The following MACROD2 variants were observed in gnomAD, a reference collection of about 807,000 sequenced individuals.
MACROD2 encodes the protein ADP-ribose glycohydrolase MACROD2.
MACROD2 carries 36 observed loss-of-function variants against 70.4 expected under a neutral mutation model. That is an observed-to-expected ratio of 0.51 (90% CI 0.39 to 0.68). MACROD2 has a LOEUF of 0.68. Ranked by LOEUF, MACROD2 falls within the 30% of genes least tolerant of loss-of-function variation. The pLI is 0.00. For synonymous variants in MACROD2, 172 were observed against 178.8 expected, an observed-to-expected ratio of 0.96 and a Z score of 0.30; for missense variants, 496 against 538.4, an observed-to-expected ratio of 0.92 and a Z score of 0.78.
chr20:14,221,851 C>G (rs2081677901), intron 3 of MACROD2, among the ~76,000 whole-genome samples: 1 of 152,090 alleles, frequency 6.6e-6, no homozygotes, highest in Non-Finnish European at 1.5e-5. Context: ...AGCAGACATA[C>G]AAATGGACAA....
At chr20:14,375,041 T>C (rs2083359226) in intron 3 of MACROD2, among the ~76,000 whole-genome samples, 1 of 152,142 alleles carries the variant, frequency 6.6e-6, no homozygotes, top group South Asian at 2.1e-4. Context: ...AGATCATGGG[T>C]TGTATATTCA....
intron 8 of MACROD2, among the ~76,000 whole-genome samples, chr20:15,828,985 C>T (rs935007305): frequency 3.9e-5 from 6 of 152,062 alleles, no homozygotes; most frequent in Non-Finnish European, 5.9e-5. Flanking sequence ...TGGTGTTTCA[C>T]CTGCCTGTTA....
At chr20:14,864,435 T>C (rs1363670133) in intron 5 of MACROD2, among the ~76,000 whole-genome samples, 1 of 152,150 alleles carries the variant, frequency 6.6e-6, no homozygotes, top group Admixed American at 6.6e-5. Context: ...TTTTTTATAC[T>C]GTAAAACTTT....
intron 5 of MACROD2, among the ~76,000 whole-genome samples, chr20:14,747,403 G>T (rs2071813372): frequency 6.6e-6 from 1 of 152,156 alleles, no homozygotes. Context: ...TTGTCAGGAT[G>T]TAGTGAGGTC....
At chr20:15,316,380 A>C (rs2077811052) in intron 6 of MACROD2, among the ~76,000 whole-genome samples, 1 of 152,098 alleles carries the variant, frequency 6.6e-6, no homozygotes, top group African/African-American at 2.4e-5. Flanking sequence ...AGTAACCAAA[A>C]GAAAGCCAGG....
intron 4 of MACROD2, among the ~76,000 whole-genome samples, chr20:14,613,754 A>T (rs1983309273): frequency 6.6e-6 from 1 of 152,110 alleles, no homozygotes; most frequent in Non-Finnish European, 1.5e-5. Flanking sequence ...TAGGAGTTTT[A>T]AAAAAGAACA....
At chr20:14,719,747 TTGG>T (rs1221133046) in intron 5 of MACROD2, among the ~76,000 whole-genome samples, 2 of 152,164 alleles carry the variant, frequency 1.3e-5, no homozygotes, top group Non-Finnish European at 2.9e-5. Context: ...TGTATTTCAG[TTGG>T]AAATTGTAGT....
At chr20:16,031,088 A>G (rs2067145351) in intron 15 of MACROD2, among the ~76,000 whole-genome samples, 1 of 152,144 alleles carries the variant, frequency 6.6e-6, no homozygotes, top group Admixed American at 6.5e-5. Context: ...AAAAGATGAC[A>G]ATCCAGGAGA....
intron 7 of MACROD2, among the ~76,000 whole-genome samples, chr20:15,483,284 C>T (rs1478298592): frequency 5.3e-5 from 8 of 152,046 alleles, no homozygotes; most frequent in African/African-American, 1.9e-4. Flanking sequence ...TGTGATTGTC[C>T]AGTTGTTCCA....
chr20:14,568,737 G>C (rs1362833822), intron 4 of MACROD2, among the ~76,000 whole-genome samples: 1 of 151,940 alleles, frequency 6.6e-6, no homozygotes, highest in Non-Finnish European at 1.5e-5. Flanking sequence ...TTTTGGCATA[G>C]GGGCAAGGAA....
intron 3 of MACROD2, among the ~76,000 whole-genome samples, chr20:14,256,618 A>G (rs1029958309): frequency 1.3e-5 from 2 of 152,122 alleles, no homozygotes; most frequent in Non-Finnish European, 2.9e-5. Context: ...GCTTGCCTTC[A>G]TTTCTTGAGA....
intron 3 of MACROD2, among the ~76,000 whole-genome samples, chr20:14,458,408 C>T (rs2084328840): frequency 6.6e-6 from 1 of 152,064 alleles, no homozygotes; most frequent in South Asian, 2.1e-4. Flanking sequence ...TTTTGAATTA[C>T]ATTGAGGCCC....
At chr20:15,836,995 C>G (rs551742218) in intron 8 of MACROD2, among the ~76,000 whole-genome samples, 1 of 152,254 alleles carries the variant, frequency 6.6e-6, no homozygotes, top group South Asian at 2.1e-4. Flanking sequence ...AGGGACTTAG[C>G]TGGAGTTCAA....
chr20:14,466,976 G>T (rs1380122390), intron 3 of MACROD2, among the ~76,000 whole-genome samples: 1 of 152,154 alleles, frequency 6.6e-6, no homozygotes, highest in African/African-American at 2.4e-5. Context: ...GGCTACTCAG[G>T]GGTTGGGGAC....
intron 4 of MACROD2, among the ~76,000 whole-genome samples, chr20:14,632,483 G>A (rs1397987565): frequency 6.6e-6 from 1 of 152,100 alleles, no homozygotes; most frequent in Non-Finnish European, 1.5e-5. Context: ...ATGTTATTCT[G>A]TTTTCTTAAG....
intron 5 of MACROD2, among the ~76,000 whole-genome samples, chr20:15,072,525 T>C (rs1349181742): frequency 6.6e-6 from 1 of 152,198 alleles, no homozygotes; most frequent in African/African-American, 2.4e-5. Flanking sequence ...GTTTAGTATC[T>C]TGGGCTTCTT....
chr20:14,281,430 G>A (rs891911300), intron 3 of MACROD2, among the ~76,000 whole-genome samples: 1 of 152,192 alleles, frequency 6.6e-6, no homozygotes, highest in African/African-American at 2.4e-5. Flanking sequence ...GGAGAATGGG[G>A]ATTAACTGTG....
intron 5 of MACROD2, among the ~76,000 whole-genome samples, chr20:15,131,024 C>A (rs1002560150): frequency 6.6e-6 from 1 of 152,056 alleles, no homozygotes; most frequent in East Asian, 1.9e-4. Context: ...CAAACACTCC[C>A]CCTTGACAAA....
At chr20:15,089,308 T>C (rs2075775799) in intron 5 of MACROD2, among the ~76,000 whole-genome samples, 1 of 152,070 alleles carries the variant, frequency 6.6e-6, no homozygotes, top group Admixed American at 6.6e-5. Context: ...GGTTTTTAAC[T>C]AGAGGGATGG....
Sources: gnomAD v4.1 joint callset for allele counts (sites outside exome capture counted in the v4.1 genomes callset) on GRCh38, gnomAD v4.1.1 for gene constraint, MANE v1.5 for transcripts, NCBI Gene and HGNC (gene_info 2026-07-23, HGNC 2026-07-21) for gene names.